The following PPP3R1 variants were observed in gnomAD, a reference collection of about 807,000 sequenced individuals.
PPP3R1 encodes calcineurin subunit B type 1.
In PPP3R1, 5 loss-of-function variants were observed where a neutral mutation model predicts 22.6. The observed-to-expected ratio is 0.22, with a 90% CI of 0.12 to 0.46. The LOEUF (loss-of-function observed/expected upper bound fraction) is 0.46, where lower values mean the gene tolerates loss of function less well. Ranked by LOEUF, PPP3R1 falls within the 20% of genes least tolerant of loss-of-function variation. PPP3R1 has a pLI of 0.99. For synonymous variants in PPP3R1, 56 were observed against 65.2 expected, an observed-to-expected ratio of 0.86 and a Z score of 0.68; for missense variants, 61 against 203.2, an observed-to-expected ratio of 0.30 and a Z score of 4.25.
chr2:68,217,052 G>A, intron 2 of PPP3R1, 40 bp downstream of exon 2: 1 of 1,436,786 alleles, frequency 7.0e-7, no homozygotes, highest in Non-Finnish European at 9.5e-7. Flanking sequence ...AGAGAGATGA[G>A]TGAATAAAAG....
At chr2:68,250,615 A>G (rs1670329076) in intron 1 of PPP3R1, among the ~76,000 whole-genome samples, 1 of 152,250 alleles carries the variant, frequency 6.6e-6, no homozygotes, top group Admixed American at 6.5e-5. Flanking sequence ...AGATTATATG[A>G]TGAATGGCTA....
intron 1 of PPP3R1, among the ~76,000 whole-genome samples, chr2:68,219,824 A>G (rs1011823597): frequency 1.3e-5 from 2 of 152,238 alleles, no homozygotes; most frequent in Non-Finnish European, 2.9e-5. Flanking sequence ...ACATGTTTTA[A>G]GTTTACATAA....
At chr2:68,232,227 G>GTATATATATACATA (rs1356969680) in intron 1 of PPP3R1, among the ~76,000 whole-genome samples, 1 of 33,910 alleles carries the variant, frequency 2.9e-5, no homozygotes, top group African/African-American at 2.1e-4. Context: ...GTATATATGT[G>GTATATATATACATA]TGTGTGTGTG....
At chr2:68,220,749 G>T (rs960614328) in intron 1 of PPP3R1, among the ~76,000 whole-genome samples, 1 of 152,064 alleles carries the variant, frequency 6.6e-6, no homozygotes, top group African/African-American at 2.4e-5. Context: ...AGTAAAAGAA[G>T]CCAAAAACAA....
intron 1 of PPP3R1, among the ~76,000 whole-genome samples, chr2:68,223,566 AC>A (rs1198279868): frequency 6.6e-6 from 1 of 152,178 alleles, no homozygotes; most frequent in East Asian, 1.9e-4. Flanking sequence ...GTGATTCACA[AC>A]ATTAACAGAG....
At chr2:68,224,487 C>A (rs780459360) in intron 1 of PPP3R1, among the ~76,000 whole-genome samples, 17 of 151,832 alleles carry the variant, frequency 1.1e-4, no homozygotes, top group Admixed American at 2.0e-4. Context: ...ATGGTGAAAC[C>A]CTGTCTCTAC....
intron 2 of PPP3R1, among the ~76,000 whole-genome samples, chr2:68,196,845 C>T (rs1361499328): frequency 2.6e-5 from 4 of 152,034 alleles, no homozygotes; most frequent in African/African-American, 9.7e-5. Flanking sequence ...CTGCCTCAGC[C>T]TCCGGGGTAG....
At chr2:68,215,733 A>C (rs903914261) in intron 2 of PPP3R1, among the ~76,000 whole-genome samples, 1 of 152,190 alleles carries the variant, frequency 6.6e-6, no homozygotes, top group African/African-American at 2.4e-5. Flanking sequence ...CTACAATGGG[A>C]GAGTATAGAA....
intron 1 of PPP3R1, among the ~76,000 whole-genome samples, chr2:68,241,554 T>C (rs1388705832): frequency 2.0e-5 from 3 of 152,140 alleles, no homozygotes; most frequent in African/African-American, 7.2e-5. Flanking sequence ...AATTAGAAGA[T>C]TACTGACAAT....
At chr2:68,239,068 T>C (rs565106345) in intron 1 of PPP3R1, among the ~76,000 whole-genome samples, 2 of 152,334 alleles carry the variant, frequency 1.3e-5, no homozygotes, top group East Asian at 3.9e-4. Flanking sequence ...TAAGGATTAT[T>C]TGAAGCAAAG....
intron 1 of PPP3R1, 49 bp downstream of exon 1, chr2:68,252,076 C>T (rs1194994903): frequency 1.4e-6 from 2 of 1,384,240 alleles, no homozygotes; most frequent in Non-Finnish European, 9.6e-7. Flanking sequence ...CCGACCCGGA[C>T]GGCGGCAGTA....
intron 1 of PPP3R1, among the ~76,000 whole-genome samples, chr2:68,245,724 T>C (rs1670222064): frequency 6.6e-6 from 1 of 152,198 alleles, no homozygotes. Context: ...TCATCTAGTT[T>C]CCACCCTTTC....
intron 1 of PPP3R1, among the ~76,000 whole-genome samples, chr2:68,220,274 G>C (rs1157146970): frequency 6.6e-6 from 1 of 152,170 alleles, no homozygotes; most frequent in African/African-American, 2.4e-5. Context: ...GTGAGGAAGA[G>C]TACTTCAGAA....
chr2:68,191,884 C>T (rs562954011), intron 2 of PPP3R1, among the ~76,000 whole-genome samples: 3 of 152,084 alleles, frequency 2.0e-5, no homozygotes, highest in Non-Finnish European at 4.4e-5. Flanking sequence ...AAATGACACA[C>T]CCTTACTCTT....
At chr2:68,181,158 G>A (rs1444370890) in intron 5 of PPP3R1, 148 bp from the exon 6 acceptor site, 1 of 704,026 alleles carries the variant, frequency 1.4e-6, no homozygotes, top group Non-Finnish European at 2.5e-6. Context: ...GGAAGGCCAA[G>A]GCAGGTGGAT....
intron 1 of PPP3R1, among the ~76,000 whole-genome samples, chr2:68,250,623 C>T (rs1456613480): frequency 6.6e-6 from 1 of 152,218 alleles, no homozygotes; most frequent in Non-Finnish European, 1.5e-5. Context: ...TGATGAATGG[C>T]TATGATCTTC....
At chr2:68,233,386 GAAC>G (rs1425085364) in intron 1 of PPP3R1, among the ~76,000 whole-genome samples, 1 of 152,062 alleles carries the variant, frequency 6.6e-6, no homozygotes, top group Non-Finnish European at 1.5e-5. Context: ...ATTGACTCCA[GAAC>G]AACTGGAGTT....
chr2:68,215,764 G>A, intron 2 of PPP3R1, among the ~76,000 whole-genome samples: 1 of 152,148 alleles, frequency 6.6e-6, no homozygotes, highest in East Asian at 1.9e-4. Context: ...TTAAGGGAAT[G>A]AAGTTGCTCA....
chr2:68,239,941 C>T (rs900174531), intron 1 of PPP3R1, among the ~76,000 whole-genome samples: 1 of 152,128 alleles, frequency 6.6e-6, no homozygotes, highest in Non-Finnish European at 1.5e-5. Flanking sequence ...CATTGTTTTT[C>T]ACTTTCAGTA....
Sources: gnomAD v4.1 joint callset for allele counts (sites outside exome capture counted in the v4.1 genomes callset) on GRCh38, gnomAD v4.1.1 for gene constraint, MANE v1.5 for transcripts, NCBI Gene and HGNC (gene_info 2026-07-23, HGNC 2026-07-21) for gene names.